Variants in PDE4D observed in about 807,000 individuals in gnomAD.
The protein encoded by PDE4D is 3',5'-cyclic-AMP phosphodiesterase 4D.
A neutral mutation model predicts 87.4 loss-of-function variants in PDE4D; 24 were observed. That is an observed-to-expected ratio of 0.27 (90% CI 0.20 to 0.39). The LOEUF (loss-of-function observed/expected upper bound fraction) is 0.39, where lower values mean the gene tolerates loss of function less well. Among genes scored for constraint, PDE4D ranks in the 10% least tolerant of loss-of-function variants. The pLI, the probability that PDE4D is intolerant of heterozygous loss-of-function variation, is 1.00. For synonymous variants in PDE4D, 384 were observed against 383.2 expected, an observed-to-expected ratio of 1.00 and a Z score of -0.02; for missense variants, 714 against 1,041.0, an observed-to-expected ratio of 0.69 and a Z score of 4.32.
At chr5:60,380,366 T>A (rs931960256) in intron 1 of PDE4D, among the ~76,000 whole-genome samples, 1 of 152,162 alleles carries the variant, frequency 6.6e-6, no homozygotes, top group African/African-American at 2.4e-5. Context: ...ATAGTATACA[T>A]CCCTAATCCA....
chr5:60,118,596 T>C (rs543425946), intron 2 of PDE4D, among the ~76,000 whole-genome samples: 1 of 151,118 alleles, frequency 6.6e-6, no homozygotes, highest in East Asian at 1.9e-4. Flanking sequence ...TGTGTGTGTG[T>C]TTACTGAGAA....
At chr5:59,337,112 A>C (rs1777800054) in intron 1 of PDE4D, among the ~76,000 whole-genome samples, 1 of 152,256 alleles carries the variant, frequency 6.6e-6, no homozygotes, top group East Asian at 1.9e-4. Context: ...GAACACAAAA[A>C]GAGGAGAAGG....
At chr5:60,400,651 G>T (rs912270602) in intron 1 of PDE4D, among the ~76,000 whole-genome samples, 1 of 151,900 alleles carries the variant, frequency 6.6e-6, no homozygotes, top group Non-Finnish European at 1.5e-5. Context: ...AAACTGAGGG[G>T]CTGGGTGCGA....
chr5:60,211,006 A>T (rs934479326), intron 1 of PDE4D, among the ~76,000 whole-genome samples: 8 of 152,184 alleles, frequency 5.3e-5, no homozygotes, highest in Non-Finnish European at 1.2e-4. Flanking sequence ...CTGAGCCTGC[A>T]TGGGACTGGG....
intron 1 of PDE4D, among the ~76,000 whole-genome samples, chr5:60,421,878 C>T (rs577235318): frequency 1.4e-4 from 22 of 152,186 alleles, no homozygotes; most frequent in Middle Eastern, 3.4e-3. Flanking sequence ...AACCACGGCA[C>T]GAGAACTTCG....
chr5:59,646,268 CA>C (rs1267314489), intron 1 of PDE4D, among the ~76,000 whole-genome samples: 4 of 152,248 alleles, frequency 2.6e-5, no homozygotes, highest in African/African-American at 9.6e-5. Flanking sequence ...AGCCTGGACC[CA>C]CTCCTTGTCA....
chr5:59,490,997 C>T (rs749224772), intron 1 of PDE4D, among the ~76,000 whole-genome samples: 23 of 152,128 alleles, frequency 1.5e-4, no homozygotes, highest in Admixed American at 9.8e-4. Context: ...TGAGATTGGC[C>T]AAGATTATTT....
chr5:60,072,358 G>A (rs993729697), intron 2 of PDE4D, among the ~76,000 whole-genome samples: 2 of 151,846 alleles, frequency 1.3e-5, no homozygotes. Context: ...TTTTAATGGG[G>A]TTGTTTAATT....
At chr5:60,243,171 G>A (rs760625995) in intron 1 of PDE4D, among the ~76,000 whole-genome samples, 9 of 151,846 alleles carry the variant, frequency 5.9e-5, no homozygotes, top group Non-Finnish European at 8.8e-5. Flanking sequence ...TCAAAGGATC[G>A]TTAGTGGCTA....
chr5:60,479,170 T>G (rs546706558), intron 1 of PDE4D, among the ~76,000 whole-genome samples: 2 of 152,262 alleles, frequency 1.3e-5, no homozygotes, highest in Admixed American at 1.3e-4. Context: ...GAAGTTTTCA[T>G]GTAAAAGAAA....
chr5:59,550,925 T>C (rs1818011332), intron 1 of PDE4D, among the ~76,000 whole-genome samples: 2 of 152,106 alleles, frequency 1.3e-5, no homozygotes, highest in African/African-American at 4.8e-5. Flanking sequence ...CTCAAACTCC[T>C]GACCTCGTGA....
At chr5:59,018,190 C>A (rs926937562) in intron 6 of PDE4D, among the ~76,000 whole-genome samples, 3 of 152,256 alleles carry the variant, frequency 2.0e-5, no homozygotes, top group African/African-American at 7.2e-5. Context: ...ATCTTCCTAA[C>A]AGCTTATGCT....
At chr5:59,879,392 G>T (rs935632434) in intron 1 of PDE4D, among the ~76,000 whole-genome samples, 6 of 152,042 alleles carry the variant, frequency 3.9e-5, no homozygotes, top group African/African-American at 1.2e-4. Flanking sequence ...ACTCTCTTAG[G>T]CTACTGTCTT....
chr5:60,403,710 A>C (rs1456267728), intron 1 of PDE4D, among the ~76,000 whole-genome samples: 2 of 152,194 alleles, frequency 1.3e-5, no homozygotes, highest in Non-Finnish European at 2.9e-5. Flanking sequence ...ACACAGCTGA[A>C]ATTTAAGCCC....
At chr5:59,905,589 A>C (rs1752727992) in intron 3 of PDE4D, among the ~76,000 whole-genome samples, 1 of 152,176 alleles carries the variant, frequency 6.6e-6, no homozygotes, top group African/African-American at 2.4e-5. Context: ...GATGGGTTAC[A>C]TTAACCTCTC....
chr5:59,483,493 CTTTTTA>C (rs1037320533), intron 1 of PDE4D, among the ~76,000 whole-genome samples: 4 of 152,058 alleles, frequency 2.6e-5, no homozygotes, highest in Non-Finnish European at 1.5e-5. Flanking sequence ...GAGACTGAAA[CTTTTTA>C]TTTTTAACTC....
rs377196866 is a variant in PDE4D at position 60,134,589 on chromosome 5, C to A, written c.42+50968G>T. ...GATTACTTCCAGGACCTCTGGCAGACGCCAAAATCCATGGATGCTCAAGCC... is the reference window on the plus strand; with the variant it reads ...GATTACTTCCAGGACCTCTGGCAGAAGCCAAAATCCATGGATGCTCAAGCC... On this transcript the variant is annotated intron_variant, in intron 2 of 16. Coordinates refer to the PDE4D transcript ENST00000502484. Among the ~76,000 whole-genome samples, 17 of 152,270 alleles carry A rather than the reference C, an allele frequency of 1.1e-4. No homozygotes were observed. In the East Asian group the frequency reaches 1.9e-3, roughly 17 times the overall value.
intron 1 of PDE4D, among the ~76,000 whole-genome samples, chr5:59,593,084 T>G (rs1447774366): frequency 1.3e-5 from 2 of 151,892 alleles, no homozygotes; most frequent in South Asian, 4.1e-4. Flanking sequence ...TTTTGCAATT[T>G]ACTGGAATCA....
chr5:60,297,698 G>A (rs1176085716), intron 1 of PDE4D, among the ~76,000 whole-genome samples: 1 of 152,142 alleles, frequency 6.6e-6, no homozygotes, highest in Non-Finnish European at 1.5e-5. Flanking sequence ...ATAACCAAAG[G>A]TTAGTAGGTT....
Sources: gnomAD v4.1 joint callset for allele counts (sites outside exome capture counted in the v4.1 genomes callset) on GRCh38, gnomAD v4.1.1 for gene constraint, MANE v1.5 for transcripts, NCBI Gene and HGNC (gene_info 2026-07-23, HGNC 2026-07-21) for gene names.